The following TACC2 variants were observed in gnomAD, a reference collection of about 807,000 sequenced individuals.
TACC2 encodes transforming acidic coiled-coil containing protein 2.
Under a neutral mutation model 227.3 loss-of-function variants are expected in TACC2, and 137 were observed. The observed-to-expected ratio is 0.60, with a 90% CI of 0.52 to 0.69. The LOEUF is 0.69. Ranked by LOEUF, TACC2 falls within the 30% of genes least tolerant of loss-of-function variation. The pLI is 0.00. For synonymous variants in TACC2, 1,523 were observed against 1,487.5 expected (o/e 1.02, Z -0.55); for missense variants, 3,470 against 3,694.4 (o/e 0.94, Z 1.57).
chr10:122,154,203 G>A (rs2092307776), intron 7 of TACC2, among the ~76,000 whole-genome samples: 1 of 152,224 alleles, frequency 6.6e-6, no homozygotes, highest in South Asian at 2.1e-4. Context: ...GTTATTGAGG[G>A]CTTCCAAGGG....
intron 3 of TACC2, among the ~76,000 whole-genome samples, chr10:122,071,435 C>T (rs1321241401): frequency 1.3e-5 from 2 of 151,980 alleles, no homozygotes; most frequent in Non-Finnish European, 2.9e-5. Context: ...ACTTTTAGGA[C>T]CCCAGGAGAG....
chr10:122,122,348 T>G (rs543539331), intron 5 of TACC2, among the ~76,000 whole-genome samples: 1 of 152,124 alleles, frequency 6.6e-6, no homozygotes, highest in African/African-American at 2.4e-5. Flanking sequence ...AGAATGAAAC[T>G]CCGTCTCAAA....
At position 122,083,706 on chromosome 10, in the gene TACC2, T is replaced by G; in HGVS notation, c.1206T>G (p.Pro402=). The change falls in exon 4 of 23, where the codon CCT becomes CCG. Residue 402 remains proline, a synonymous_variant. Coordinates refer to ENST00000369005, the MANE Select transcript of TACC2 (RefSeq NM_206862.4). ...AAGGQPEGGL[P]VSPEPSLLTP... is the part of the protein sequence containing the mutation. The stretch of plus-strand genomic sequence containing the variant: ...GCGGCCAGCCCGAAGGGGGTTTGCC[T>G]GTGAGCCCTGAACCTTCCCTGCTCA... 1 of 1,613,632 alleles carries G rather than the reference T, an allele frequency of 6.2e-7. No homozygotes were observed. The highest frequency in any genetic ancestry group is 8.5e-7 in the Non-Finnish European group (1 of 1,180,046).
chr10:122,234,324 G>A (rs113697977), intron 16 of TACC2, among the ~76,000 whole-genome samples: 35 of 152,270 alleles, frequency 2.3e-4, no homozygotes, highest in Non-Finnish European at 3.2e-4. Flanking sequence ...CAGGACTTCA[G>A]TGGAGTGAAG....
chr10:122,114,476 A>G (rs567069539), intron 5 of TACC2, among the ~76,000 whole-genome samples: 21 of 152,248 alleles, frequency 1.4e-4, no homozygotes, highest in Non-Finnish European at 2.6e-4. Flanking sequence ...CTCCCGGAGC[A>G]GCTGGCTTTC....
At chr10:122,248,527 G>T in intron 19 of TACC2, 116 bp from the exon 20 acceptor site, 19 of 1,216,026 alleles carry the variant, frequency 1.6e-5, no homozygotes, top group Non-Finnish European at 2.2e-5. Flanking sequence ...GGAAAAGCTG[G>T]GGTTTGAGAT....
chr10:122,048,399 T>TCCTC (rs1554979347), intron 2 of TACC2, among the ~76,000 whole-genome samples: 3 of 135,276 alleles, frequency 2.2e-5, no homozygotes, highest in Admixed American at 7.5e-5. Flanking sequence ...TCCCTTTCCT[T>TCCTC]CCTTCCTCCC....
chr10:122,021,981 C>T lies in TACC2; in HGVS notation c.-1C>T, dbSNP rs376941035. On this transcript the variant is annotated 5_prime_UTR_variant, in exon 2 of 23. Coordinates refer to ENST00000369005, the MANE Select transcript of TACC2 (RefSeq NM_206862.4). ...GGGGACGCTGGGAACACTGAATCAA[C>T]ATGGGCAATGAGAACAGCACCTCGG... is the stretch of plus-strand genomic sequence containing the variant. The T allele has an allele frequency of 2.5e-6, 4 of 1,614,156 alleles. No homozygotes were observed. The highest frequency in any genetic ancestry group is 3.4e-6 in the Non-Finnish European group (4 of 1,180,018).
At chr10:122,219,256 C>T (rs960852374) in intron 11 of TACC2, among the ~76,000 whole-genome samples, 6 of 151,576 alleles carry the variant, frequency 4.0e-5, no homozygotes. Context: ...CCCTGTTTCA[C>T]ACCCTTTCCT....
chr10:122,240,114 C>T (rs1424886102), intron 18 of TACC2, among the ~76,000 whole-genome samples: 1 of 152,178 alleles, frequency 6.6e-6, no homozygotes, highest in Non-Finnish European at 1.5e-5. Context: ...AGTGAGAGCA[C>T]TGCCTCTTAG....
chr10:122,226,085 T>A (rs1436819035), intron 12 of TACC2, among the ~76,000 whole-genome samples: 1 of 152,228 alleles, frequency 6.6e-6, no homozygotes, highest in Non-Finnish European at 1.5e-5. Flanking sequence ...TGTTGGTGAA[T>A]TGAACAAAGT....
chr10:121,992,308 G>C (rs1953059727), intron 1 of TACC2, among the ~76,000 whole-genome samples: 1 of 152,200 alleles, frequency 6.6e-6, no homozygotes, highest in South Asian at 2.1e-4. Context: ...TGCTGAGAAA[G>C]TGAAAAACCT....
intron 14 of TACC2, among the ~76,000 whole-genome samples, chr10:122,228,674 G>A (rs2095674530): frequency 6.6e-6 from 1 of 152,114 alleles, no homozygotes; most frequent in Non-Finnish European, 1.5e-5. Flanking sequence ...GATTTAGTGT[G>A]TTATTTTTGT....
rs777737026 is a variant in TACC2 at position 122,082,632 on chromosome 10, A to T, written c.147-15A>T. On this transcript the variant is annotated splice_polypyrimidine_tract_variant and intron_variant, in intron 3 of 22. Transcript: ENST00000369005. ...TGGCATCCATGATAACCAATGAAAC[A>T]TTAAATATTTTCAGCATTGGCAGCG... 1 of 1,595,808 alleles carries T rather than the reference A, an allele frequency of 6.3e-7. No individual in the cohort carries two copies. Among genetic ancestry groups the T allele is most frequent in the Admixed American group, 1.7e-5 (1 of 58,354 alleles).
intron 7 of TACC2, among the ~76,000 whole-genome samples, chr10:122,192,148 A>G (rs928757852): frequency 6.6e-6 from 1 of 152,204 alleles, no homozygotes; most frequent in African/African-American, 2.4e-5. Flanking sequence ...CCGGAAGTGA[A>G]TGCCATTCTC....
intron 2 of TACC2, among the ~76,000 whole-genome samples, chr10:122,028,088 T>TTTTTTTTTTTTTTTCTTTCTTTTTTTC (rs1958318090): frequency 9.1e-6 from 1 of 110,004 alleles, no homozygotes; most frequent in African/African-American, 4.1e-5. Flanking sequence ...TTCTTTCTTT[T>TTTTTTTTTTTTTTTCTTTCTTTTTTTC]TTTTTTTTTT....
chr10:122,098,829 C>T (rs2081791472), intron 5 of TACC2, among the ~76,000 whole-genome samples: 1 of 152,142 alleles, frequency 6.6e-6, no homozygotes, highest in African/African-American at 2.4e-5. Context: ...GTGCCACTAC[C>T]CTCTAATGCT....
At chr10:122,059,544 C>G (rs1431395999) in intron 3 of TACC2, among the ~76,000 whole-genome samples, 2 of 126,774 alleles carry the variant, frequency 1.6e-5, no homozygotes, top group South Asian at 2.9e-4. Flanking sequence ...CTCATGCCCC[C>G]TCTCCTGTTC....
intron 11 of TACC2, among the ~76,000 whole-genome samples, chr10:122,223,663 C>T (rs1270301331): frequency 6.6e-6 from 1 of 152,134 alleles, no homozygotes; most frequent in Non-Finnish European, 1.5e-5. Flanking sequence ...GGAAATAGCT[C>T]ATTTTAAAGC....
Sources: allele counts gnomAD v4.1 joint callset (sites outside exome capture counted in the v4.1 genomes callset), GRCh38; gene constraint gnomAD v4.1.1; transcripts MANE v1.5; gene names NCBI Gene and HGNC (gene_info 2026-07-23, HGNC 2026-07-21).